AMBRA1: variants seen among roughly 807,000 people sequenced by gnomAD.
The protein encoded by AMBRA1 is activating molecule in BECN1-regulated autophagy protein 1.
A neutral mutation model predicts 125.4 loss-of-function variants in AMBRA1; 47 were observed. That is an observed-to-expected ratio of 0.37 (90% confidence interval 0.30 to 0.48). The LOEUF (loss-of-function observed/expected upper bound fraction) is 0.48, where lower values mean the gene tolerates loss of function less well. Among genes scored for constraint, AMBRA1 ranks in the 20% least tolerant of loss-of-function variants. The probability of loss-of-function intolerance (pLI) is 0.99; values close to 1 mark genes in which losing one functional copy is unlikely to be tolerated. For missense variants in AMBRA1, 1,331 were observed against 1,693.4 expected, an observed-to-expected ratio of 0.79 and a Z score of 3.76; for synonymous variants, 626 against 655.5, an observed-to-expected ratio of 0.95 and a Z score of 0.69.
At chr11:46,476,924 T>C (rs897312172) in intron 11 of AMBRA1, among the ~76,000 whole-genome samples, 23 of 152,026 alleles carry the variant, frequency 1.5e-4, no homozygotes, top group Admixed American at 5.9e-4. Context: ...CTGGTCAAGA[T>C]GGTAAAACCT....
chr11:46,504,047 T>C (rs993978733), intron 9 of AMBRA1, among the ~76,000 whole-genome samples: 4 of 152,164 alleles, frequency 2.6e-5, no homozygotes, highest in Non-Finnish European at 5.9e-5. Flanking sequence ...GTGGCTAGTA[T>C]ATACGATGCA....
chr11:46,438,387 G>A (rs913474792), intron 12 of AMBRA1, among the ~76,000 whole-genome samples: 10 of 152,204 alleles, frequency 6.6e-5, no homozygotes, highest in African/African-American at 2.2e-4. Flanking sequence ...ATGCCTGGAG[G>A]AGCAGATGGC....
chr11:46,550,190 G>A (rs1250189532), intron 1 of AMBRA1, among the ~76,000 whole-genome samples: 1 of 152,192 alleles, frequency 6.6e-6, no homozygotes, highest in African/African-American at 2.4e-5. Flanking sequence ...TCAACTGATT[G>A]TTTCCTCATA....
chr11:46,468,652 C>CA (rs994686651), intron 11 of AMBRA1, among the ~76,000 whole-genome samples: 1,702 of 141,312 alleles, frequency 0.012, 37 homozygotes, highest in Admixed American at 0.061. Context: ...CAAAAAAATA[C>CA]AAAAAAAAAA....
intron 6 of AMBRA1, among the ~76,000 whole-genome samples, chr11:46,543,735 T>G (rs1345535700): frequency 6.6e-6 from 1 of 152,170 alleles, no homozygotes; most frequent in Non-Finnish European, 1.5e-5. Flanking sequence ...TATCCAACAC[T>G]GTCTAGTGAT....
intron 1 of AMBRA1, among the ~76,000 whole-genome samples, chr11:46,577,020 A>C (rs1452927323): frequency 6.6e-6 from 1 of 152,236 alleles, no homozygotes; most frequent in African/African-American, 2.4e-5. Context: ...CTCTGAAATC[A>C]CATACTCTGG....
rs536250766 is a variant in AMBRA1 at position 46,592,969 on chromosome 11, G to C, written c.-121+859C>G. Among the ~76,000 whole-genome samples the C allele has an allele frequency of 4.0e-5, 6 of 148,292 alleles. No homozygotes were observed. The South Asian group carries it at 1.0e-3, about 26-fold the overall frequency. On this transcript the variant is annotated intron_variant, in intron 1 of 17. Transcript: ENST00000683756. ...AACCAGGAAACAATGTAGACAACAAGGTTATCAGGAAACAAAGTAGACAAC... is the reference window on the plus strand; with the variant it reads ...AACCAGGAAACAATGTAGACAACAACGTTATCAGGAAACAAAGTAGACAAC...
chr11:46,515,334 G>C (rs532214512), intron 7 of AMBRA1, among the ~76,000 whole-genome samples: 2 of 152,082 alleles, frequency 1.3e-5, no homozygotes, highest in Non-Finnish European at 2.9e-5. Flanking sequence ...GTAGCCAGGC[G>C]TGGTGGTGCG....
At chr11:46,557,839 A>T (rs1013352254) in intron 1 of AMBRA1, among the ~76,000 whole-genome samples, 4 of 151,962 alleles carry the variant, frequency 2.6e-5, no homozygotes, top group Non-Finnish European at 4.4e-5. Flanking sequence ...CGGCATGGTG[A>T]TGCATGCCTG....
intron 11 of AMBRA1, among the ~76,000 whole-genome samples, chr11:46,483,610 G>C (rs545846832): frequency 6.6e-6 from 1 of 152,206 alleles, no homozygotes; most frequent in East Asian, 1.9e-4. Flanking sequence ...TTTTAAAAAG[G>C]AGGAGGCTGG....
chr11:46,501,389 T>C (rs1950831878), intron 9 of AMBRA1, among the ~76,000 whole-genome samples: 1 of 152,224 alleles, frequency 6.6e-6, no homozygotes, highest in South Asian at 2.1e-4. Flanking sequence ...CGGAATGGCA[T>C]CCTGTCCAGG....
At chr11:46,588,032 C>T (rs973539760) in intron 1 of AMBRA1, among the ~76,000 whole-genome samples, 1 of 152,046 alleles carries the variant, frequency 6.6e-6, no homozygotes, top group African/African-American at 2.4e-5. Flanking sequence ...AAAAATAAGT[C>T]AGAAAAGAAA....
chr11:46,466,727 A>G (rs368255546), intron 11 of AMBRA1, among the ~76,000 whole-genome samples: 197 of 152,160 alleles, frequency 1.3e-3, no homozygotes, highest in African/African-American at 4.6e-3. Flanking sequence ...TTATCAAAGT[A>G]CTACCTACCC....
intron 1 of AMBRA1, among the ~76,000 whole-genome samples, chr11:46,592,004 G>C (rs1391194268): frequency 7.1e-6 from 1 of 141,444 alleles, no homozygotes; most frequent in Non-Finnish European, 1.5e-5. Flanking sequence ...GGAGTGCAAC[G>C]GCGTGATCTC....
intron 16 of AMBRA1, 66 bp from the exon 17 acceptor site, chr11:46,408,772 T>C (rs1277563895): frequency 1.4e-6 from 2 of 1,435,018 alleles, no homozygotes; most frequent in Non-Finnish European, 1.8e-6. Flanking sequence ...AGCACTCTGC[T>C]GGCTCTGTGC....
rs760701585 is a variant in AMBRA1, at chr11:46,408,537, T to C, written c.3379A>G (p.Thr1127Ala). The C allele has an allele frequency of 1.8e-5, 28 of 1,580,892 alleles. No homozygotes were observed. Among genetic ancestry groups the C allele is most frequent in the African/African-American group, 1.4e-4 (10 of 74,052 alleles). The change falls in exon 17 of 18, where the codon ACA becomes GCA. Residue 1127 changes from threonine to alanine, a missense_variant. Coordinates refer to ENST00000683756, the MANE Select transcript of AMBRA1 (RefSeq NM_001387011.1). ...QTEREVPEPG[T>A]AASGPGEGEG... ...CCTTCACCAGGACCTGAGGCGGCTG[T>C]CCCTGGCTCCGGCACCTCCCTCTCA...
intron 11 of AMBRA1, among the ~76,000 whole-genome samples, chr11:46,485,094 C>G (rs1016476053): frequency 6.6e-6 from 1 of 152,066 alleles, no homozygotes; most frequent in Admixed American, 6.6e-5. Context: ...CCTGCCACCA[C>G]GCCCGGCTAA....
rs548331113 is a variant in AMBRA1 at position 46,564,101 on chromosome 11, G to A, written c.-120-15601C>T. ...AGAGGTTGCAGTGAGCCGAGATGGC[G>A]CCATTGCACTCCACTCTGGGCAACA... On this transcript the variant is annotated intron_variant, in intron 1 of 17. Coordinates refer to ENST00000683756, the MANE Select transcript of AMBRA1 (RefSeq NM_001387011.1). 5.1e-5 allele frequency among the ~76,000 whole-genome samples: 7 copies of A among 137,162 alleles called. 1 individual carries two copies. The highest frequency in any genetic ancestry group is 1.7e-4 in the African/African-American group (6 of 35,758). 90.0% of individuals were successfully genotyped at this position (137,162 alleles called of 152,430 possible).
chr11:46,466,884 C>A (rs1434806696), intron 11 of AMBRA1, among the ~76,000 whole-genome samples: 1 of 150,944 alleles, frequency 6.6e-6, no homozygotes, highest in African/African-American at 2.4e-5. Flanking sequence ...CATCATATTT[C>A]TAAAATTACT....
Sources: allele counts gnomAD v4.1 joint callset (sites outside exome capture counted in the v4.1 genomes callset), GRCh38; gene constraint gnomAD v4.1.1; transcripts MANE v1.5; gene names NCBI Gene and HGNC (gene_info 2026-07-23, HGNC 2026-07-21).